Variants in LNPK observed in about 807,000 individuals in gnomAD.
The protein encoded by LNPK is lunapark, ER junction formation factor, also known as endoplasmic reticulum junction formation protein lunapark.
LNPK carries 29 observed loss-of-function variants against 55.2 expected under a neutral mutation model. The observed-to-expected ratio is 0.53, with a 90% CI of 0.39 to 0.72. The LOEUF is 0.72. Ranked by LOEUF, LNPK falls within the 30% of genes least tolerant of loss-of-function variation. The pLI is 0.00. For missense variants in LNPK, 467 were observed against 494.8 expected, an observed-to-expected ratio of 0.94 and a Z score of 0.53; for synonymous variants, 162 against 168.2, an observed-to-expected ratio of 0.96 and a Z score of 0.29.
chr2:175,983,802 G>C (rs2105695109), intron 4 of LNPK, among the ~76,000 whole-genome samples: 1 of 150,064 alleles, frequency 6.7e-6, no homozygotes, highest in Admixed American at 6.6e-5. Context: ...ACATTATAAA[G>C]TTAAAAAAAA....
At chr2:175,958,742 G>T (rs1685832927) in intron 8 of LNPK, among the ~76,000 whole-genome samples, 1 of 152,168 alleles carries the variant, frequency 6.6e-6, no homozygotes, top group Admixed American at 6.5e-5. Flanking sequence ...AGAGAAGAAG[G>T]CTTCAGAAGG....
intron 12 of LNPK, among the ~76,000 whole-genome samples, chr2:175,935,352 T>C (rs1684491011): frequency 6.6e-6 from 1 of 152,174 alleles, no homozygotes; most frequent in African/African-American, 2.4e-5. Flanking sequence ...AAAGAGTAGA[T>C]GATTGAGATG....
chr2:175,964,516 T>G lies in LNPK; in HGVS notation c.431A>C (p.Lys144Thr), dbSNP rs1686230336. 2.5e-6 allele frequency: 4 copies of G among 1,607,544 alleles called. No homozygotes were observed. In the East Asian group the frequency reaches 8.9e-5, roughly 36 times the overall value. Residue 144 changes from lysine to threonine, a missense_variant, in exon 7 of 13, where the codon AAG (lysine) becomes ACG (threonine). Coordinates refer to ENST00000272748, the MANE Select transcript of LNPK (RefSeq NM_030650.3). ...LILERFDPDS[K>T]KAKECEPPSA... ...ATATCACAGTCTTACCTTTGCTTTC[T>G]TTGAGTCCGGATCAAACCTTTCAAG...
chr2:175,952,837 C>T (rs1685490224), intron 8 of LNPK, among the ~76,000 whole-genome samples: 1 of 152,098 alleles, frequency 6.6e-6, no homozygotes, highest in Non-Finnish European at 1.5e-5. Context: ...AATACCACTA[C>T]TAATGTTGCA....
chr2:175,975,284 A>C (rs1337225527), intron 5 of LNPK, among the ~76,000 whole-genome samples: 1 of 152,190 alleles, frequency 6.6e-6, no homozygotes, highest in Non-Finnish European at 1.5e-5. Flanking sequence ...TGAATACTGT[A>C]CTCAGTCCTA....
At chr2:175,974,402 T>C (rs1275819763) in intron 5 of LNPK, among the ~76,000 whole-genome samples, 1 of 152,174 alleles carries the variant, frequency 6.6e-6, no homozygotes, top group Non-Finnish European at 1.5e-5. Context: ...TGTGAAATGA[T>C]GAAATGATTA....
At chr2:175,935,840 T>C (rs1684518963) in intron 12 of LNPK, 1 of 373,022 alleles carries the variant, frequency 2.7e-6, no homozygotes, top group Non-Finnish European at 3.7e-6. Context: ...TTGCTAACTA[T>C]CTATCTTGAC....
At chr2:175,977,028 G>T (rs1435389823) in intron 5 of LNPK, among the ~76,000 whole-genome samples, 2 of 152,202 alleles carry the variant, frequency 1.3e-5, no homozygotes, top group African/African-American at 4.8e-5. Flanking sequence ...ACATGAGGGA[G>T]TGGGAATAAA....
At chr2:175,951,608 T>TATATATATATATGA (rs1685422190) in intron 8 of LNPK, among the ~76,000 whole-genome samples, 2 of 140,056 alleles carry the variant, frequency 1.4e-5, no homozygotes, top group Non-Finnish European at 3.2e-5. Flanking sequence ...TATATATATA[T>TATATATATATATGA]ATCTCAGTTT....
upstream of LNPK, chr2:176,002,698 C>T (rs1688215992): frequency 6.5e-6 from 1 of 154,598 alleles, no homozygotes; most frequent in Non-Finnish European, 1.4e-5. Flanking sequence ...AGGAGTCCCC[C>T]ATCAGCTGTC....
intron 8 of LNPK, among the ~76,000 whole-genome samples, chr2:175,952,083 T>C (rs2105581287): frequency 6.6e-6 from 1 of 151,768 alleles, no homozygotes; most frequent in East Asian, 1.9e-4. Context: ...GATGGGATTG[T>C]TTTTTCTTGC....
chr2:175,988,377 T>G (rs559448152), intron 4 of LNPK, among the ~76,000 whole-genome samples: 2 of 151,428 alleles, frequency 1.3e-5, no homozygotes. Context: ...ATAGGGATGG[T>G]GGTGAATGCG....
intron 8 of LNPK, among the ~76,000 whole-genome samples, chr2:175,949,178 C>A (rs560888867): frequency 6.6e-6 from 1 of 152,152 alleles, no homozygotes; most frequent in African/African-American, 2.4e-5. Context: ...AGCACAGTAT[C>A]ATTATATAAA....
In LNPK at chr2:175,962,077, T is replaced by C. The variant is rs182627572; in HGVS notation, c.493+2295A>G. ...GAGGACACAAACAAATAGAAGAACA[T>C]TCCATGCTCATGGATAGGAAGAATC... On this transcript the variant is annotated intron_variant, in intron 8 of 12. Transcript: ENST00000272748. Among the ~76,000 whole-genome samples, 197 of 152,288 alleles carry C rather than the reference T, an allele frequency of 1.3e-3. 7 individuals carry two copies. Among genetic ancestry groups the C allele is most frequent in the East Asian group, 0.012 (62 of 5,186 alleles).
chr2:175,963,890 G>C (rs556679610), intron 8 of LNPK, among the ~76,000 whole-genome samples: 4 of 151,812 alleles, frequency 2.6e-5, no homozygotes, highest in South Asian at 2.1e-4. Context: ...GGTAATACAA[G>C]CTCAAAAATA....
chr2:175,945,471 A>G (rs1451720884), intron 9 of LNPK, among the ~76,000 whole-genome samples: 1 of 143,978 alleles, frequency 6.9e-6, no homozygotes, highest in East Asian at 2.1e-4. Flanking sequence ...ATGACACTGC[A>G]CTCCAGCCTG....
At chr2:175,938,163 G>T in intron 11 of LNPK, 150 bp downstream of exon 11, 1 of 527,272 alleles carries the variant, frequency 1.9e-6, no homozygotes, top group Non-Finnish European at 3.4e-6. Flanking sequence ...TGTCTTCCCT[G>T]CTTTGCTCTA....
chr2:175,936,630 T>G (rs1684557667), intron 12 of LNPK, among the ~76,000 whole-genome samples: 1 of 152,178 alleles, frequency 6.6e-6, no homozygotes, highest in Non-Finnish European at 1.5e-5. Context: ...GTATTAATAC[T>G]GTAGCAAGAA....
At chr2:175,960,246 C>A (rs1685944470) in intron 8 of LNPK, among the ~76,000 whole-genome samples, 1 of 152,172 alleles carries the variant, frequency 6.6e-6, no homozygotes, top group African/African-American at 2.4e-5. Context: ...CCCAAATCAA[C>A]AGAATATACA....
Sources: allele counts gnomAD v4.1 joint callset (sites outside exome capture counted in the v4.1 genomes callset), GRCh38; gene constraint gnomAD v4.1.1; transcripts MANE v1.5; gene names NCBI Gene and HGNC (gene_info 2026-07-23, HGNC 2026-07-21).